Variants in LDB2 observed in about 807,000 individuals in gnomAD.
LDB2 encodes LIM domain binding 2, also known as LIM domain-binding protein 2.
LDB2 carries 12 observed loss-of-function variants against 44.3 expected under a neutral mutation model. The ratio of observed to expected loss-of-function variants is 0.27; its 90% CI spans 0.17 to 0.44. The LOEUF is 0.44. Among genes scored for constraint, LDB2 ranks in the 20% least tolerant of loss-of-function variants. The probability of loss-of-function intolerance (pLI) is 1.00; values close to 1 mark genes in which losing one functional copy is unlikely to be tolerated. For missense variants in LDB2, 344 were observed against 473.5 expected, an observed-to-expected ratio of 0.73 and a Z score of 2.54; for synonymous variants, 164 against 174.8, an observed-to-expected ratio of 0.94 and a Z score of 0.49.
chr4:16,849,407 C>T (rs962147239), intron 1 of LDB2, among the ~76,000 whole-genome samples: 6 of 152,158 alleles, frequency 3.9e-5, no homozygotes, highest in Non-Finnish European at 5.9e-5. Flanking sequence ...TCTTATTCAT[C>T]GTGTCCATTG....
intron 5 of LDB2, among the ~76,000 whole-genome samples, chr4:16,560,503 C>G (rs1741694449): frequency 6.6e-6 from 1 of 152,120 alleles, no homozygotes; most frequent in Non-Finnish European, 1.5e-5. Context: ...TACACCCTCC[C>G]CAGACTAAAC....
chr4:16,706,314 G>A (rs961562514), intron 2 of LDB2, among the ~76,000 whole-genome samples: 1 of 152,114 alleles, frequency 6.6e-6, no homozygotes, highest in East Asian at 1.9e-4. Context: ...GAGCCCCCAC[G>A]AATAAGATTA....
intron 5 of LDB2, among the ~76,000 whole-genome samples, chr4:16,528,316 C>G (rs983115711): frequency 6.6e-6 from 1 of 152,146 alleles, no homozygotes; most frequent in Non-Finnish European, 1.5e-5. Flanking sequence ...AAAAATTTTA[C>G]TCATGTAACC....
chr4:16,857,365 T>C (rs1445162348), intron 1 of LDB2, among the ~76,000 whole-genome samples: 3 of 152,210 alleles, frequency 2.0e-5, no homozygotes, highest in Non-Finnish European at 4.4e-5. Flanking sequence ...TAGTCTGAAC[T>C]GAAAAAGTCT....
chr4:16,586,248 C>T (rs946872679), intron 4 of LDB2, among the ~76,000 whole-genome samples: 6 of 152,092 alleles, frequency 3.9e-5, no homozygotes, highest in Non-Finnish European at 7.3e-5. Flanking sequence ...GCTTTCAGTC[C>T]TTGGGAGAAA....
At chr4:16,508,786 G>T (rs1245976358) in intron 6 of LDB2, 100 bp from the exon 7 acceptor site, 5 of 1,139,282 alleles carry the variant, frequency 4.4e-6, no homozygotes, top group Non-Finnish European at 4.9e-6. Context: ...GTAAACTGAA[G>T]AGTAGACTAT....
chr4:16,888,951 G>C (rs752865382), intron 1 of LDB2, among the ~76,000 whole-genome samples: 1 of 152,022 alleles, frequency 6.6e-6, no homozygotes, highest in Non-Finnish European at 1.5e-5. Flanking sequence ...TTATGTTCAA[G>C]GCTGGTCACT....
intron 5 of LDB2, among the ~76,000 whole-genome samples, chr4:16,515,080 A>G (rs1723129684): frequency 6.6e-6 from 1 of 152,232 alleles, no homozygotes; most frequent in Non-Finnish European, 1.5e-5. Context: ...TGTGGTACAC[A>G]TTCACCATAG....
At chr4:16,810,949 A>G (rs1251148633) in intron 1 of LDB2, among the ~76,000 whole-genome samples, 5 of 152,208 alleles carry the variant, frequency 3.3e-5, no homozygotes, top group African/African-American at 7.2e-5. Flanking sequence ...CAATTTTTCC[A>G]CAGACTGGTG....
At chr4:16,831,471 A>G (rs16894062) in intron 1 of LDB2, among the ~76,000 whole-genome samples, 2,610 of 152,270 alleles carry the variant, frequency 0.017, 80 homozygotes, top group African/African-American at 0.06. Flanking sequence ...AAGTAGAAGC[A>G]AAAAGTCCCT....
intron 2 of LDB2, among the ~76,000 whole-genome samples, chr4:16,732,333 C>T (rs1760924932): frequency 6.6e-6 from 1 of 152,290 alleles, no homozygotes; most frequent in East Asian, 1.9e-4. Flanking sequence ...AATAACAATG[C>T]ATTCCTTTTC....
At chr4:16,503,832 T>C (rs771272504) in intron 7 of LDB2, among the ~76,000 whole-genome samples, 1 of 152,180 alleles carries the variant, frequency 6.6e-6, no homozygotes, top group Admixed American at 6.6e-5. Context: ...GTAAGCCACC[T>C]ACTGTAGCTG....
chr4:16,586,630 C>A (rs1717091384), intron 4 of LDB2, among the ~76,000 whole-genome samples: 1 of 151,948 alleles, frequency 6.6e-6, no homozygotes, highest in South Asian at 2.1e-4. Context: ...CAATTTTTAT[C>A]CTGCAGGACT....
At chr4:16,671,270 C>T (rs374636868) in intron 2 of LDB2, among the ~76,000 whole-genome samples, 3 of 152,062 alleles carry the variant, frequency 2.0e-5, no homozygotes, top group East Asian at 3.9e-4. Flanking sequence ...GAAGAATAAT[C>T]CTTGCAAATC....
Position 16,747,651 on chromosome 4 carries a change from T to A in LDB2, c.235+11507A>T, listed in dbSNP as rs1432338410. 2.6e-5 allele frequency among the ~76,000 whole-genome samples: 4 copies of A among 152,164 alleles called. No homozygotes were observed. In the East Asian group the frequency reaches 7.7e-4, roughly 29 times the overall value. On this transcript the variant is annotated intron_variant, in intron 2 of 7. Transcript: ENST00000304523. ...AGGAAATTTTACACGGACAAATACA[T>A]CTCTCAGCTAGCTAACTTTAATCTT...
chr4:16,601,473 G>C (rs1400896547), intron 2 of LDB2, among the ~76,000 whole-genome samples: 1 of 152,084 alleles, frequency 6.6e-6, no homozygotes. Context: ...AGGAAAATTT[G>C]TAACTAACAA....
intron 1 of LDB2, among the ~76,000 whole-genome samples, chr4:16,784,486 A>T (rs1428191027): frequency 6.6e-6 from 1 of 152,210 alleles, no homozygotes; most frequent in Non-Finnish European, 1.5e-5. Flanking sequence ...CAAGCATGAG[A>T]GTCTCTTGTG....
chr4:16,573,537 A>G (rs1747337408), intron 5 of LDB2, among the ~76,000 whole-genome samples: 1 of 152,184 alleles, frequency 6.6e-6, no homozygotes, highest in South Asian at 2.1e-4. Flanking sequence ...TCATTTTCTG[A>G]ACTCATGACA....
At chr4:16,584,204 C>G (rs1715887039) in intron 5 of LDB2, among the ~76,000 whole-genome samples, 2 of 152,194 alleles carry the variant, frequency 1.3e-5, no homozygotes. Flanking sequence ...AGGCCCTGTG[C>G]TAAGCCCTTT....
Sources: allele counts gnomAD v4.1 joint callset (sites outside exome capture counted in the v4.1 genomes callset), GRCh38; gene constraint gnomAD v4.1.1; transcripts MANE v1.5; gene names NCBI Gene and HGNC (gene_info 2026-07-23, HGNC 2026-07-21).